The following TEC variants were observed in gnomAD, a reference collection of about 807,000 sequenced individuals.
TEC encodes tyrosine-protein kinase Tec.
A neutral mutation model predicts 93.0 loss-of-function variants in TEC; 72 were observed. The ratio of observed to expected loss-of-function variants is 0.77; its 90% CI spans 0.64 to 0.94. The LOEUF (loss-of-function observed/expected upper bound fraction) is 0.94, where lower values mean the gene tolerates loss of function less well. Among genes scored for constraint, TEC ranks in the 40% least tolerant of loss-of-function variants. The pLI is 0.00. For missense variants in TEC, 630 were observed against 757.9 expected, an observed-to-expected ratio of 0.83 and a Z score of 1.98; for synonymous variants, 249 against 247.7, an observed-to-expected ratio of 1.01 and a Z score of -0.05.
intron 2 of TEC, among the ~76,000 whole-genome samples, chr4:48,206,570 A>G (rs560110166): frequency 6.6e-6 from 1 of 152,294 alleles, no homozygotes; most frequent in South Asian, 2.1e-4. Flanking sequence ...TTCATTCGTG[A>G]TAAGAGAAAT....
In TEC at chr4:48,201,952, A is replaced by ATT. The variant is rs780630248; in HGVS notation, c.139-25768_139-25767dup. Among the ~76,000 whole-genome samples the ATT allele has an allele frequency of 7.5e-3, 868 of 116,454 alleles. 25 individuals carry two copies. The highest frequency in any genetic ancestry group is 0.024 in the African/African-American group (724 of 29,846). 76.4% of individuals were successfully genotyped at this position (116,454 alleles called of 152,430 possible). ...GCCAGATTCCAAAGTACTGTGGCTT[A>ATT]TTTTTTTTTTTTTTTTTTTTTTGAG... On this transcript the variant is annotated intron_variant, in intron 2 of 17. Coordinates refer to ENST00000381501, the MANE Select transcript of TEC (RefSeq NM_003215.3).
intron 15 of TEC, among the ~76,000 whole-genome samples, chr4:48,140,832 G>A (rs928851781): frequency 6.6e-6 from 1 of 152,100 alleles, no homozygotes; most frequent in Non-Finnish European, 1.5e-5. Flanking sequence ...ACTTTATCAG[G>A]TCTTCTGATT....
At chr4:48,259,715 C>CA (rs5858111) in intron 1 of TEC, among the ~76,000 whole-genome samples, 7,966 of 117,748 alleles carry the variant, frequency 0.068, 325 homozygotes, top group East Asian at 0.21. Context: ...GACTTTGTCT[C>CA]AAAAAAAAAA....
chr4:48,213,835 G>A (rs1413259986), intron 2 of TEC, among the ~76,000 whole-genome samples: 1 of 151,968 alleles, frequency 6.6e-6, no homozygotes, highest in Admixed American at 6.6e-5. Context: ...GCCCAGGCTA[G>A]ACGTAAACTC....
chr4:48,207,305 T>C (rs1722746648), intron 2 of TEC, among the ~76,000 whole-genome samples: 1 of 152,188 alleles, frequency 6.6e-6, no homozygotes, highest in Non-Finnish European at 1.5e-5. Context: ...GGAATTTATC[T>C]GGCAGGCATC....
chr4:48,255,798 T>C (rs2109674611), intron 1 of TEC, among the ~76,000 whole-genome samples: 1 of 152,262 alleles, frequency 6.6e-6, no homozygotes, highest in South Asian at 2.1e-4. Context: ...AAGTGATCAA[T>C]CAATGGCAGC....
intron 1 of TEC, among the ~76,000 whole-genome samples, chr4:48,258,829 G>GTGAA (rs1354374212): frequency 3.9e-5 from 6 of 152,044 alleles, no homozygotes; most frequent in Admixed American, 6.6e-5. Context: ...GTCTGACATG[G>GTGAA]TTACCCTCTT....
chr4:48,178,097 T>C (rs1721407287), intron 2 of TEC, among the ~76,000 whole-genome samples: 3 of 152,242 alleles, frequency 2.0e-5, no homozygotes, highest in African/African-American at 4.8e-5. Context: ...ATTCCCTTCA[T>C]GCCTGGCTAT....
rs1466871896 is a variant in TEC, at chr4:48,176,169, C to G, written c.156G>C (p.Gly52=). The change falls in exon 3 of 18, where the codon GGG becomes GGC. Residue 52 remains glycine, a synonymous_variant. Coordinates refer to ENST00000381501, the MANE Select transcript of TEC (RefSeq NM_003215.3). ...ACTTGATTTTTGAAACATCAATAAA[C>G]CCCTTTCTGTATTTCTTCTGTTAAA... ...EGRAEKKYRK[G]FIDVSKIKCV... 1 of 1,611,978 alleles carries G rather than the reference C, an allele frequency of 6.2e-7. No individual in the cohort carries two copies. Among genetic ancestry groups the G allele is most frequent in the South Asian group, 1.1e-5 (1 of 91,042 alleles).
chr4:48,153,258 G>A (rs1342282587), intron 9 of TEC, among the ~76,000 whole-genome samples: 1 of 151,554 alleles, frequency 6.6e-6, no homozygotes, highest in Non-Finnish European at 1.5e-5. Context: ...TAAAAGTCAA[G>A]GGAGCAAATG....
chr4:48,170,725 A>G (rs973346864), intron 4 of TEC, among the ~76,000 whole-genome samples: 1 of 152,176 alleles, frequency 6.6e-6, no homozygotes, highest in African/African-American at 2.4e-5. Context: ...ATCCACACCA[A>G]ATATTGACTA....
intron 2 of TEC, among the ~76,000 whole-genome samples, chr4:48,181,794 T>C (rs1175776208): frequency 1.2e-4 from 19 of 152,168 alleles, no homozygotes; most frequent in Non-Finnish European, 1.5e-5. Flanking sequence ...CCGAGCCCAC[T>C]TTAACTCCTG....
intron 14 of TEC, 69 bp from the exon 15 acceptor site, chr4:48,141,488 C>G: frequency 6.9e-7 from 1 of 1,447,818 alleles, no homozygotes; most frequent in East Asian, 2.4e-5. Flanking sequence ...AATGTAAGTT[C>G]TATTTATATT....
chr4:48,171,508 A>G, intron 3 of TEC, 59 bp from the exon 4 acceptor site: 3 of 1,357,618 alleles, frequency 2.2e-6, no homozygotes, highest in Non-Finnish European at 3.1e-6. Flanking sequence ...ACTTCTGTCT[A>G]GCACAGAACC....
chr4:48,187,940 AT>A (rs1207907019), intron 2 of TEC, among the ~76,000 whole-genome samples: 2 of 152,184 alleles, frequency 1.3e-5, no homozygotes, highest in African/African-American at 4.8e-5. Context: ...TGATTGCCAC[AT>A]TTTTCCTCCC....
intron 1 of TEC, among the ~76,000 whole-genome samples, chr4:48,237,548 C>T (rs1424560289): frequency 6.6e-6 from 1 of 151,890 alleles, no homozygotes; most frequent in East Asian, 1.9e-4. Context: ...GCCCTGATAA[C>T]AGAGTGGGGA....
At chr4:48,237,103 G>A (rs889375984) in intron 1 of TEC, among the ~76,000 whole-genome samples, 3 of 152,124 alleles carry the variant, frequency 2.0e-5, no homozygotes, top group Admixed American at 1.3e-4. Flanking sequence ...GGCTGAGGTG[G>A]GCAGATCACT....
intron 1 of TEC, among the ~76,000 whole-genome samples, chr4:48,267,347 C>G (rs1267285120): frequency 6.6e-6 from 1 of 152,156 alleles, no homozygotes. Context: ...TTAATTGTTA[C>G]AATCCAATCC....
chr4:48,217,479 C>T (rs1200781997), intron 2 of TEC, among the ~76,000 whole-genome samples: 1 of 152,184 alleles, frequency 6.6e-6, no homozygotes, highest in African/African-American at 2.4e-5. Context: ...CCTTCAGCTC[C>T]TAATGATAAC....
Sources: allele counts gnomAD v4.1 joint callset (sites outside exome capture counted in the v4.1 genomes callset), GRCh38; gene constraint gnomAD v4.1.1; transcripts MANE v1.5; gene names NCBI Gene and HGNC (gene_info 2026-07-23, HGNC 2026-07-21).